WDR90: variants seen among roughly 807,000 people sequenced by gnomAD.
WDR90 encodes the protein WD repeat-containing protein 90.
In WDR90, 238 loss-of-function variants were observed where a neutral mutation model predicts 195.2. That is an observed-to-expected ratio of 1.22 (90% CI 1.10 to 1.36). The LOEUF (loss-of-function observed/expected upper bound fraction) is 1.36. Ranked by LOEUF, WDR90 falls within the 40% of genes most tolerant of loss-of-function variation. The pLI is 0.00. For synonymous variants in WDR90, 1,265 were observed against 1,052.4 expected, an observed-to-expected ratio of 1.20 and a Z score of -3.91; for missense variants, 2,734 against 2,439.5, an observed-to-expected ratio of 1.12 and a Z score of -2.54.
Position 662,749 on chromosome 16 carries a change from G to A in WDR90, c.4216G>A (p.Asp1406Asn), listed in dbSNP as rs749725296. Residue 1406 changes from aspartate (D) to asparagine (N), a missense_variant, in exon 34 of 41, where the codon GAC becomes AAC. Coordinates refer to ENST00000293879, the MANE Select transcript of WDR90 (RefSeq NM_145294.5). ...VVSASFDDSV[D>N]MGVVGTTAGT... ...GAGTGCCAGCTTCGATGACAGCGTG[G>A]ACATGGGCGTCGTGGGCACCACGGC... The A allele has an allele frequency of 6.2e-7, 1 of 1,604,868 alleles. No individual in the cohort carries two copies. The highest frequency in any genetic ancestry group is 1.3e-5 in the African/African-American group (1 of 74,836).
chr16:660,591 T>C lies in WDR90; in HGVS notation c.3289-21T>C, dbSNP rs563570587. ...GTGGCCATGCTGGGCCCCAGCAGCA[T>C]CCGGGTCTCCTTCCTCGCAGGGCAC... is the stretch of plus-strand genomic sequence containing the variant. On this transcript the variant is annotated intron_variant, in intron 27 of 40. Coordinates refer to ENST00000293879, the MANE Select transcript of WDR90 (RefSeq NM_145294.5). 13 of 1,553,814 alleles carry C rather than the reference T, an allele frequency of 8.4e-6. No homozygotes were observed. The East Asian group carries it at 3.2e-4, about 38-fold the overall frequency.
In WDR90 at chr16:659,000, C is replaced by T. The variant is rs1261283331; in HGVS notation, c.3000C>T (p.Ala1000=). 4.3e-6 allele frequency: 7 copies of T among 1,613,034 alleles called. No individual in the cohort carries two copies. Among genetic ancestry groups the T allele is most frequent in the African/African-American group, 2.7e-5 (2 of 74,880 alleles). The change falls in exon 24 of 41, where the codon GCC becomes GCT. Residue 1000 remains alanine, a synonymous_variant. Transcript: ENST00000293879. ...GDAVFLWDVL[A]PTESDQSFPG... is the part of the protein sequence containing the mutation. ...CCGTCTTCCTCTGGGATGTCCTGGC[C>T]CCTACTGAGAGGCAAGTGCCTACTC...
rs1046556651 is a variant in WDR90, at chr16:659,314, A to G, written c.3122A>G (p.Lys1041Arg). The G allele has an allele frequency of 5.0e-6, 8 of 1,600,294 alleles. No homozygotes were observed. The highest frequency in any genetic ancestry group is 6.8e-6 in the Non-Finnish European group (8 of 1,174,316). The change falls in exon 26 of 41, where the codon AAG becomes AGG. Residue 1041 changes from lysine to arginine, a missense_variant. Physicochemically the swap from Lys to Arg is conservative, Grantham distance 26. Transcript: ENST00000293879. ...GAGCTCCCCCGGCAGCAGGTCCCCA[A>G]GCCATGTCAGGCATCTCCACCACGG... is the stretch of plus-strand genomic sequence containing the variant. ...ASELPRQQVP[K>R]PCQASPPRLG...
chr16:649,051 C>G (rs1482722643), upstream of WDR90: 1 of 245,154 alleles, frequency 4.1e-6, no homozygotes, highest in African/African-American at 2.3e-5. Context: ...CATGGCCAGG[C>G]CTCAGCGCGA....
Position 666,215 on chromosome 16 carries a change from C to T in WDR90, c.4610-5C>T. On this transcript the variant is annotated splice_region_variant and splice_polypyrimidine_tract_variant and intron_variant, in intron 36 of 40. Transcript: ENST00000293879. ...GGGGCTCACAGGGTGACGGCATGGT[C>T]CCAGGTCAGACTGTCCTCTCTGGAG... is the stretch of plus-strand genomic sequence containing the variant. 4 of 1,611,658 alleles carry T rather than the reference C, an allele frequency of 2.5e-6. No homozygotes were observed. In the Admixed American group the frequency reaches 5.0e-5, roughly 20 times the overall value.
At position 656,764 on chromosome 16, in the gene WDR90, G is replaced by A. The variant is rs375740668; in HGVS notation, c.2235G>A (p.Pro745=). 477 of 1,613,116 alleles carry A rather than the reference G, an allele frequency of 3.0e-4. No individual in the cohort carries two copies. The highest frequency in any genetic ancestry group is 2.6e-4 in the Non-Finnish European group (301 of 1,179,978). ...LYDFTSSEDA[P]CAVTFHPTRP... Reference sequence around the variant, plus strand: ...ACTTCACATCATCAGAGGACGCCCCGTGCGCTGTCACCTTCCACCCCACAA... The same window carrying A: ...ACTTCACATCATCAGAGGACGCCCCATGCGCTGTCACCTTCCACCCCACAA... Residue 745 remains proline (P), a synonymous_variant, in exon 19 of 41, where the codon CCG becomes CCA. Transcript: ENST00000293879.
At position 666,452 on chromosome 16, in the gene WDR90, C is replaced by T; in HGVS notation, c.4741-3C>T. ...TGTCGGCCCTCACCCACTCCATTCC[C>T]AGTGTGAAGACTTAGGGGTGGAGGG... On this transcript the variant is annotated splice_region_variant and splice_polypyrimidine_tract_variant and intron_variant, in intron 37 of 40. Coordinates refer to ENST00000293879, the MANE Select transcript of WDR90 (RefSeq NM_145294.5). The T allele has an allele frequency of 1.2e-6, 2 of 1,610,138 alleles. No homozygotes were observed. The highest frequency in any genetic ancestry group is 8.5e-7 in the Non-Finnish European group (1 of 1,178,052).
chr16:653,841 C>T, intron 13 of WDR90, 38 bp downstream of exon 13: 3 of 1,610,576 alleles, frequency 1.9e-6, no homozygotes, highest in Non-Finnish European at 2.5e-6. Flanking sequence ...GTGGGGCTGT[C>T]CTGATGCACG....
chr16:662,147 C>T (rs1381484861), intron 32 of WDR90, 73 bp from the exon 33 acceptor site: 23 of 1,532,798 alleles, frequency 1.5e-5, no homozygotes, highest in East Asian at 7.1e-5. Context: ...GTAGCCCTGG[C>T]GTCCGGGCAG....
intron 33 of WDR90, 131 bp downstream of exon 33, chr16:662,462 C>G (rs1230933183): frequency 3.1e-6 from 4 of 1,292,888 alleles, no homozygotes; most frequent in Non-Finnish European, 4.2e-6. Flanking sequence ...CTCCAAGGGA[C>G]AGGCTTGGGT....
chr16:649,280 G>T, upstream of WDR90: 1 of 1,108,962 alleles, frequency 9.0e-7, no homozygotes, highest in Non-Finnish European at 1.2e-6. Flanking sequence ...GGGAGGTCAC[G>T]TGGCCAGGGC....
intron 6 of WDR90, 43 bp downstream of exon 6, chr16:651,146 AG>A: frequency 2.8e-6 from 2 of 727,050 alleles, no homozygotes; most frequent in East Asian, 1.0e-4. Flanking sequence ...CGGTGGTGGG[AG>A]GGTGGGTGGC....
Position 651,202 on chromosome 16 carries a change from T to G in WDR90, c.672T>G (p.Phe224Leu). The G allele has an allele frequency of 6.2e-7, 1 of 1,613,186 alleles. No homozygotes were observed. Among genetic ancestry groups the G allele is most frequent in the Non-Finnish European group, 8.5e-7 (1 of 1,179,996 alleles). ...GACTCTCCCTCTGCCTGCCAAGGTT[T>G]CCAAGTGAGAGCTTGAAAGTGCCTT... ...SWHDRYIHVRFPSESLKVPSK... is the reference protein window; with the variant it reads ...SWHDRYIHVRLPSESLKVPSK... The change falls in exon 7 of 41, where the codon TTT becomes TTG. Residue 224 changes from phenylalanine (F) to leucine (L), a missense_variant. By Grantham distance (22) the Phe-to-Leu change is conservative (BLOSUM62 0). Coordinates refer to ENST00000293879, the MANE Select transcript of WDR90 (RefSeq NM_145294.5).
chr16:658,579 C>T lies in WDR90; in HGVS notation c.2821C>T (p.Arg941Cys), dbSNP rs779743039. 2.3e-5 allele frequency: 37 copies of T among 1,612,736 alleles called. No homozygotes were observed. The highest frequency in any genetic ancestry group is 6.7e-5 in the East Asian group (3 of 44,874). Reference sequence around the variant, plus strand: ...CTCCTTGACGCTCAGTGAGGACGCCCGCTTCCTGCTGATTGCCGCCGGCCG... The same window carrying T: ...CTCCTTGACGCTCAGTGAGGACGCCTGCTTCCTGCTGATTGCCGCCGGCCG... ...CPSLTLSEDARFLLIAAGRTI... is the reference protein window; with the variant it reads ...CPSLTLSEDACFLLIAAGRTI... Residue 941 changes from arginine (R) to cysteine (C), a missense_variant, in exon 23 of 41, where the codon CGC becomes TGC. Transcript: ENST00000293879.
chr16:657,731 C>T (rs1266287164), intron 20 of WDR90, 31 bp from the exon 21 acceptor site: 1 of 1,517,302 alleles, frequency 6.6e-7, no homozygotes, highest in South Asian at 1.2e-5. Context: ...GCACTCCCCA[C>T]CCAGCTGACC....
chr16:661,676 G>C lies in WDR90; in HGVS notation c.3753G>C (p.Pro1251=), dbSNP rs200356419. ...DLVSSTRLPE[P]VHGVAFNPWD... ...TGTCCTCCACCCGCCTCCCGGAGCC[G>C]GTGCATGGTGTGGCCTTCAACCCCT... The change falls in exon 31 of 41, where the codon CCG becomes CCC. Residue 1251 remains proline (P), a synonymous_variant. Coordinates refer to ENST00000293879, the MANE Select transcript of WDR90 (RefSeq NM_145294.5). 6.2e-7 allele frequency: 1 copy of C among 1,612,160 alleles called. No homozygotes were observed. Among genetic ancestry groups the C allele is most frequent in the Non-Finnish European group, 8.5e-7 (1 of 1,179,754 alleles).
intron 22 of WDR90, 79 bp downstream of exon 22, chr16:658,423 C>T (rs2037808951): frequency 4.4e-6 from 7 of 1,579,034 alleles, no homozygotes; most frequent in Non-Finnish European, 6.0e-6. Context: ...GCAGCCTCTC[C>T]AGCTGGGTGG....
chr16:658,141 G>T (rs936685928), intron 21 of WDR90, 42 bp from the exon 22 acceptor site: 1 of 1,584,326 alleles, frequency 6.3e-7, no homozygotes, highest in Admixed American at 1.7e-5. Context: ...CACCGGCTCT[G>T]CCCAGGGGCC....
intron 13 of WDR90, chr16:654,475 G>A (rs2037705852): frequency 6.5e-6 from 1 of 154,336 alleles, no homozygotes; most frequent in Non-Finnish European, 1.4e-5. Flanking sequence ...CCGCCTCCCA[G>A]GTTCACACCA....
Sources: allele counts gnomAD v4.1 joint callset, GRCh38; gene constraint gnomAD v4.1.1; transcripts MANE v1.5; gene names NCBI Gene and HGNC (gene_info 2026-07-23, HGNC 2026-07-21).